LRP2: variants seen among roughly 807,000 people sequenced by gnomAD.
LRP2 encodes the protein low-density lipoprotein receptor-related protein 2.
LRP2 carries 172 observed loss-of-function variants against 531.0 expected under a neutral mutation model. That is an observed-to-expected ratio of 0.32 (90% confidence interval 0.29 to 0.37). The LOEUF is 0.37. Among genes scored for constraint, LRP2 ranks in the 10% least tolerant of loss-of-function variants. LRP2 has a pLI of 1.00. For synonymous variants in LRP2, 1,992 were observed against 2,027.6 expected (o/e 0.98, Z 0.47); for missense variants, 5,167 against 5,868.3 (o/e 0.88, Z 3.90).
Position 169,140,473 on chromosome 2 carries a change from G to T in LRP2, c.13181C>A (p.Thr4394Asn). 2 of 1,614,090 alleles carry T rather than the reference G, an allele frequency of 1.2e-6. No individual in the cohort carries two copies. The highest frequency in any genetic ancestry group is 1.7e-6 in the Non-Finnish European group (2 of 1,179,932). The change falls in exon 72 of 79, where the codon ACT becomes AAT. Residue 4394 changes from threonine (T) to asparagine (N), a missense_variant. By Grantham distance (65) the Thr-to-Asn change is moderately conservative. This residue lies in a region of LRP2 where 348 missense variants were observed against 369.3 expected (regional missense o/e 0.94). Transcript: ENST00000649046. ...GACTTACTTGCATTTGGGGAGGTCA[G>T]TCTCATCAAAATAGCAATTTCCTCC... ...MHGGNCYFDE[T>N]DLPKCKCPSG... is the part of the protein sequence containing the mutation.
At chr2:169,188,434 A>T (rs1687713037) in intron 48 of LRP2, among the ~76,000 whole-genome samples, 169 bp from the exon 49 acceptor site, 1 of 152,046 alleles carries the variant, frequency 6.6e-6, no homozygotes, top group Admixed American at 6.6e-5. Context: ...CGTCTACCCC[A>T]CTAATCGCCA....
chr2:169,202,789 C>T lies in LRP2; in HGVS notation c.8176G>A (p.Gly2726Arg). The T allele has an allele frequency of 3.7e-6, 6 of 1,614,200 alleles. No homozygotes were observed. Among genetic ancestry groups the T allele is most frequent in the Non-Finnish European group, 5.1e-6 (6 of 1,180,036 alleles). ...CTTTCCATCTCATCACTGCCATCCC[C>T]ACAGTCGTTGTCATTATCACACTTC... ...EWKCDNDNDCGDGSDEMESVC... is the reference protein window; with the variant it reads ...EWKCDNDNDCRDGSDEMESVC... The change falls in exon 43 of 79, where the codon GGG becomes AGG. Residue 2726 changes from glycine to arginine, a missense_variant. By Grantham distance (125) the Gly-to-Arg change is moderately radical (BLOSUM62 -2). Around this residue, in one of 6 missense-constraint regions of LRP2, gnomAD observed 1,129 missense variants for 1,362.7 expected, o/e 0.83. Transcript: ENST00000649046.
Position 169,206,785 on chromosome 2 carries a change from G to A in LRP2, c.6935C>T (p.Pro2312Leu), listed in dbSNP as rs113535563. ...GATATTGTCTCTTATCACTGTGGGTGGCTCTGTGTTCTCTGGTTCCTTGCT... is the reference window on the plus strand; with the variant it reads ...GATATTGTCTCTTATCACTGTGGGTAGCTCTGTGTTCTCTGGTTCCTTGCT... ...QASKEPENTE[P>L]PTVIRDNINW... Residue 2312 changes from proline (P) to leucine (L), a missense_variant, in exon 39 of 79, where the codon CCA (proline) becomes CTA (leucine). Pro to Leu is a moderately conservative substitution (Grantham distance 98, BLOSUM62 -3). Around this residue, in one of 6 missense-constraint regions of LRP2, gnomAD observed 2,811 missense variants for 3,058.0 expected, o/e 0.92. Coordinates refer to ENST00000649046, the MANE Select transcript of LRP2 (RefSeq NM_004525.3). The A allele has an allele frequency of 1.2e-6, 2 of 1,614,010 alleles. No homozygotes were observed. The highest frequency in any genetic ancestry group is 1.3e-5 in the African/African-American group (1 of 74,916).
chr2:169,215,140 T>G (rs1462512808), intron 35 of LRP2, among the ~76,000 whole-genome samples: 1 of 152,250 alleles, frequency 6.6e-6, no homozygotes, highest in Non-Finnish European at 1.5e-5. Context: ...CATCATCACT[T>G]CTTTTTAATC....
intron 3 of LRP2, among the ~76,000 whole-genome samples, chr2:169,317,672 T>C (rs1684800398): frequency 6.6e-6 from 1 of 152,210 alleles, no homozygotes; most frequent in South Asian, 2.1e-4. Context: ...ACAAGAATGA[T>C]TTTAAATTAT....
intron 1 of LRP2, among the ~76,000 whole-genome samples, chr2:169,335,283 CATGAAA>C (rs1256187881): frequency 6.6e-6 from 1 of 152,156 alleles, no homozygotes; most frequent in African/African-American, 2.4e-5. Context: ...TGGAGTTTTA[CATGAAA>C]TACTGTAGGT....
At chr2:169,227,516 T>G (rs1173843407) in intron 31 of LRP2, among the ~76,000 whole-genome samples, 2 of 152,206 alleles carry the variant, frequency 1.3e-5, no homozygotes, top group African/African-American at 4.8e-5. Flanking sequence ...AAAGGAAAAC[T>G]TTTGAATCTA....
rs372961660 is a variant in LRP2, at chr2:169,212,013, C to G, written c.6235G>C (p.Glu2079Gln). The change falls in exon 37 of 79, where the codon GAA becomes CAA. Residue 2079 changes from glutamate to glutamine, a missense_variant. By Grantham distance (29) the Glu-to-Gln change is conservative. Transcript: ENST00000649046. ...ATGGTTTCTGAATGATCTGACAATTCCAAGCTAAAGCCTCTGATTGCAGAC... is the reference window on the plus strand; with the variant it reads ...ATGGTTTCTGAATGATCTGACAATTGCAAGCTAAAGCCTCTGATTGCAGAC... Reference protein sequence around the residue: ...MLSAIRGFSLELSDHSETMVP... With the variant: ...MLSAIRGFSLQLSDHSETMVP... 1.2e-6 allele frequency: 2 copies of G among 1,613,826 alleles called. No homozygotes were observed. The highest frequency in any genetic ancestry group is 2.7e-5 in the African/African-American group (2 of 74,872).
In LRP2 at chr2:169,131,904, A is replaced by G. The variant is rs151073839; in HGVS notation, c.13728+670T>C. ...AATGATATACATTAATACAGAGTTTAATATCAAATATATTTATTGAATTTC... is the reference window on the plus strand; with the variant it reads ...AATGATATACATTAATACAGAGTTTGATATCAAATATATTTATTGAATTTC... On this transcript the variant is annotated intron_variant, in intron 77 of 78. Coordinates refer to ENST00000649046, the MANE Select transcript of LRP2 (RefSeq NM_004525.3). 1.9e-4 allele frequency among the ~76,000 whole-genome samples: 29 copies of G among 152,378 alleles called. No homozygotes were observed. The East Asian group carries it at 5.6e-3, about 29-fold the overall frequency.
Position 169,181,556 on chromosome 2 carries a change from G to T in LRP2, c.10061C>A (p.Thr3354Asn), listed in dbSNP as rs777160368. The T allele has an allele frequency of 5.6e-6, 9 of 1,614,052 alleles. No individual in the cohort carries two copies. The East Asian group carries it at 2.0e-4, about 36-fold the overall frequency. The change falls in exon 52 of 79, where the codon ACC (threonine) becomes AAC (asparagine). Residue 3354 changes from threonine to asparagine, a missense_variant. By Grantham distance (65) the Thr-to-Asn change is moderately conservative. Transcript: ENST00000649046. ...GGTGGAGATTATCACAGACTTGTTG[G>T]TTCCATCCATGCCTACTCTCCCAAT... is the stretch of plus-strand genomic sequence containing the variant. ...AYIGRVGMDGTNKSVIISTKL... is the reference protein window; with the variant it reads ...AYIGRVGMDGNNKSVIISTKL...
chr2:169,140,803 A>G (rs1685694088), intron 71 of LRP2, among the ~76,000 whole-genome samples: 1 of 152,262 alleles, frequency 6.6e-6, no homozygotes, highest in South Asian at 2.1e-4. Flanking sequence ...TCTGGAGCAC[A>G]TATATTAATA....
At chr2:169,335,782 G>A (rs900178839) in intron 1 of LRP2, among the ~76,000 whole-genome samples, 4 of 152,196 alleles carry the variant, frequency 2.6e-5, no homozygotes, top group Non-Finnish European at 5.9e-5. Context: ...GGGAGGCCAA[G>A]GTGGGTGGAT....
At chr2:169,316,881 A>G (rs1226680081) in intron 3 of LRP2, among the ~76,000 whole-genome samples, 4 of 152,128 alleles carry the variant, frequency 2.6e-5, no homozygotes, top group Non-Finnish European at 5.9e-5. Flanking sequence ...GAGAGCCAGG[A>G]CTGCTGGGAG....
chr2:169,263,081 T>C (rs965178960), intron 16 of LRP2, among the ~76,000 whole-genome samples: 2 of 152,328 alleles, frequency 1.3e-5, no homozygotes, highest in Admixed American at 6.5e-5. Context: ...TTACACCTTA[T>C]ACAAATATCA....
intron 1 of LRP2, among the ~76,000 whole-genome samples, chr2:169,349,972 AG>A (rs1373220751): frequency 6.6e-6 from 1 of 152,246 alleles, no homozygotes; most frequent in East Asian, 1.9e-4. Context: ...GTTCTAAAAA[AG>A]TTGCTACAGC....
chr2:169,131,812 A>C (rs1280645378), intron 77 of LRP2, among the ~76,000 whole-genome samples: 3 of 152,242 alleles, frequency 2.0e-5, no homozygotes, highest in African/African-American at 7.2e-5. Flanking sequence ...TAGCCCCAGA[A>C]GTAAAACAGT....
chr2:169,318,181 T>C (rs923937464), intron 3 of LRP2, among the ~76,000 whole-genome samples: 5 of 152,124 alleles, frequency 3.3e-5, no homozygotes, highest in African/African-American at 4.8e-5. Context: ...TTAAAGGTTT[T>C]TTCCAGGTTA....
chr2:169,162,337 A>C, intron 63 of LRP2, 135 bp downstream of exon 63: 1 of 958,330 alleles, frequency 1.0e-6, no homozygotes, highest in Non-Finnish European at 1.7e-6. Flanking sequence ...ACAGCTAGCT[A>C]TGGGCTTGAC....
intron 1 of LRP2, among the ~76,000 whole-genome samples, chr2:169,357,266 C>CT (rs60783368): frequency 9.7e-4 from 139 of 143,458 alleles, no homozygotes; most frequent in Middle Eastern, 3.6e-3. Context: ...ACTTTCTTTT[C>CT]TTTTTTTTTT....
Sources: allele counts gnomAD v4.1 joint callset (sites outside exome capture counted in the v4.1 genomes callset), GRCh38; gene constraint gnomAD v4.1.1; regional missense constraint gnomAD v4.1.1; transcripts MANE v1.5; gene names NCBI Gene and HGNC (gene_info 2026-07-23, HGNC 2026-07-21).